UBOX5: variants seen among roughly 807,000 people sequenced by gnomAD.
UBOX5 encodes RING finger protein 37.
In UBOX5, 28 loss-of-function variants were observed where a neutral mutation model predicts 39.0. The ratio of observed to expected loss-of-function variants is 0.72; its 90% CI spans 0.53 to 0.98. The LOEUF (loss-of-function observed/expected upper bound fraction) is 0.98, where lower values mean the gene tolerates loss of function less well. Ranked by LOEUF, UBOX5 falls within the 50% of genes least tolerant of loss-of-function variation. The pLI, the probability that UBOX5 is intolerant of heterozygous loss-of-function variation, is 0.00. For synonymous variants in UBOX5, 283 were observed against 275.5 expected (o/e 1.03, Z -0.27); for missense variants, 585 against 674.4 (o/e 0.87, Z 1.47).
chr20:3,134,107 CATAT>C (rs138131119), intron 1 of UBOX5, among the ~76,000 whole-genome samples: 1 of 151,020 alleles, frequency 6.6e-6, no homozygotes, highest in Non-Finnish European at 1.5e-5. Context: ...TATAGGTATG[CATAT>C]ATATATATAA....
chr20:3,111,734 G>T lies in UBOX5; in HGVS notation c.1418-1420C>A, dbSNP rs114111598. 592 of 152,644 alleles carry T rather than the reference G, an allele frequency of 3.9e-3. 5 individuals carry two copies. The highest frequency in any genetic ancestry group is 0.023 in the Middle Eastern group (7 of 298). 9.5% of individuals were successfully genotyped at this position (152,644 alleles called of 1,614,324 possible). ...TTTCCTGTGCTTTCAGAGCCCACCA[G>T]CCCTTCTCAGCCTCCAAGGTAGGAT... On this transcript the variant is annotated intron_variant, in intron 4 of 4. Transcript: ENST00000217173.
chr20:3,148,111 G>A, intron 1 of UBOX5: 3 of 1,613,902 alleles, frequency 1.9e-6, no homozygotes, highest in Non-Finnish European at 2.5e-6. Context: ...CCAAACAGAT[G>A]GTACCAACCT....
At chr20:3,118,799 C>T (rs1053805623) in intron 3 of UBOX5, among the ~76,000 whole-genome samples, 6 of 151,770 alleles carry the variant, frequency 4.0e-5, no homozygotes, top group Admixed American at 1.3e-4. Context: ...ATCAGCCAGG[C>T]GTGTTGGCAC....
At chr20:3,156,080 G>GGTTA (rs781242674) in intron 1 of UBOX5, among the ~76,000 whole-genome samples, 24 of 152,118 alleles carry the variant, frequency 1.6e-4, no homozygotes, top group Non-Finnish European at 2.8e-4. Context: ...TACCTGAGAA[G>GGTTA]GTTAGTTCCT....
rs1305228557 is a variant in UBOX5, at chr20:3,115,322, C to T, written c.1400G>A (p.Arg467Lys). 3 of 1,612,188 alleles carry T rather than the reference C, an allele frequency of 1.9e-6. No individual in the cohort carries two copies. Among genetic ancestry groups the T allele is most frequent in the South Asian group, 2.2e-5 (2 of 90,810 alleles). ...CATGTTACCCGAGCCGGTGCCAGGCCTCCAGGAAGTGTTGCTCCCTCTTGT... is the reference window on the plus strand; with the variant it reads ...CATGTTACCCGAGCCGGTGCCAGGCTTCCAGGAAGTGTTGCTCCCTCTTGT... ...LGTRGSNTSW[R>K]PGTGSEQPGS... The change falls in exon 4 of 5, where the codon AGG (arginine) becomes AAG (lysine). Residue 467 changes from arginine (R) to lysine (K), a missense_variant. Physicochemically the swap from Arg to Lys is conservative, Grantham distance 26. Transcript: ENST00000217173.
At chr20:3,154,938 AAT>A (rs2066668406) in intron 1 of UBOX5, among the ~76,000 whole-genome samples, 1 of 151,768 alleles carries the variant, frequency 6.6e-6, no homozygotes, top group Non-Finnish European at 1.5e-5. Context: ...CTGTAATCCC[AAT>A]ATTTTGGGAG....
chr20:3,127,066 C>T (rs2066395891), intron 1 of UBOX5, among the ~76,000 whole-genome samples: 2 of 142,556 alleles, frequency 1.4e-5, no homozygotes, highest in Admixed American at 7.1e-5. Flanking sequence ...AAAAAAAGGA[C>T]ATCTAATGCA....
chr20:3,159,198 G>A (rs1028209850), intron 1 of UBOX5, among the ~76,000 whole-genome samples: 1 of 152,188 alleles, frequency 6.6e-6, no homozygotes, highest in Non-Finnish European at 1.5e-5. Flanking sequence ...TGTGCAACGA[G>A]AAACTGCTAA....
chr20:3,142,091 C>T (rs557544082), intron 1 of UBOX5, among the ~76,000 whole-genome samples: 4 of 145,800 alleles, frequency 2.7e-5, no homozygotes, highest in South Asian at 2.2e-4. Context: ...TCCAGGAGGT[C>T]GAGGCTGCGG....
At chr20:3,118,834 G>T (rs1461395508) in intron 3 of UBOX5, among the ~76,000 whole-genome samples, 1 of 152,140 alleles carries the variant, frequency 6.6e-6, no homozygotes, top group African/African-American at 2.4e-5. Context: ...AGCTATTCCA[G>T]AGGCTGAGGC....
chr20:3,147,583 T>C (rs1357467685), intron 1 of UBOX5: 2 of 1,614,046 alleles, frequency 1.2e-6, no homozygotes, highest in Non-Finnish European at 1.7e-6. Context: ...TGACAAACCC[T>C]GGACTGAGAG....
chr20:3,119,242 C>T (rs1036751225), intron 3 of UBOX5, among the ~76,000 whole-genome samples: 2 of 152,222 alleles, frequency 1.3e-5, no homozygotes, highest in African/African-American at 4.8e-5. Flanking sequence ...GAACCGAGGG[C>T]AGCCTTGGGC....
intron 1 of UBOX5, among the ~76,000 whole-genome samples, chr20:3,137,744 T>G (rs1381439987): frequency 1.3e-5 from 2 of 152,250 alleles, no homozygotes; most frequent in African/African-American, 4.8e-5. Context: ...CCACAGTTGA[T>G]ACAGAACACT....
At chr20:3,132,455 T>C (rs940659172) in intron 1 of UBOX5, among the ~76,000 whole-genome samples, 3 of 152,278 alleles carry the variant, frequency 2.0e-5, no homozygotes, top group African/African-American at 7.2e-5. Flanking sequence ...GCATTAATAA[T>C]ACTCAATTTT....
At chr20:3,138,473 C>G (rs1007259538) in intron 1 of UBOX5, among the ~76,000 whole-genome samples, 1 of 151,944 alleles carries the variant, frequency 6.6e-6, no homozygotes, top group Non-Finnish European at 1.5e-5. Context: ...TGCCTGAGGT[C>G]TCAGGATAAC....
chr20:3,148,370 T>C, intron 1 of UBOX5: 1 of 1,614,172 alleles, frequency 6.2e-7, no homozygotes, highest in Non-Finnish European at 8.5e-7. Flanking sequence ...CCATACCTGA[T>C]GGCAACACTT....
intron 1 of UBOX5, chr20:3,147,308 G>C: frequency 6.2e-7 from 1 of 1,614,228 alleles, no homozygotes; most frequent in African/African-American, 1.3e-5. Flanking sequence ...CTCTAAGTCA[G>C]AAGATCGGGT....
intron 1 of UBOX5, among the ~76,000 whole-genome samples, chr20:3,126,511 T>TAAA (rs555965336): frequency 4.0e-4 from 20 of 49,798 alleles, no homozygotes; most frequent in African/African-American, 1.2e-3. Flanking sequence ...CAATAAATAC[T>TAAA]AAAAAAAAAA....
chr20:3,118,505 T>C lies in UBOX5; in HGVS notation c.1255+2879A>G, dbSNP rs143900779. Among the ~76,000 whole-genome samples the C allele has an allele frequency of 1.8e-3, 271 of 151,324 alleles. 1 individual carries two copies. The highest frequency in any genetic ancestry group is 3.0e-3 in the Non-Finnish European group (202 of 67,828). On this transcript the variant is annotated intron_variant, in intron 3 of 4. Coordinates refer to ENST00000217173, the MANE Select transcript of UBOX5 (RefSeq NM_014948.4). ...ACAAAAATCAGCCAGGTGTAGTGGC[T>C]CACACCTGTAATCCCAGCACTTTGG...
Sources: gnomAD v4.1 joint callset for allele counts (sites outside exome capture counted in the v4.1 genomes callset) on GRCh38, gnomAD v4.1.1 for gene constraint, MANE v1.5 for transcripts, NCBI Gene and HGNC (gene_info 2026-07-23, HGNC 2026-07-21) for gene names.